The following COL23A1 variants were observed in gnomAD, a reference collection of about 807,000 sequenced individuals.
COL23A1 encodes collagen type XXIII alpha 1 chain.
A neutral mutation model predicts 99.3 loss-of-function variants in COL23A1; 97 were observed. The ratio of observed to expected loss-of-function variants is 0.98; its 90% CI spans 0.83 to 1.16. The LOEUF (loss-of-function observed/expected upper bound fraction) is 1.16, where lower values mean the gene tolerates loss of function less well. COL23A1 is among the 50% of genes most tolerant of loss of function. COL23A1 has a pLI of 0.00. For synonymous variants in COL23A1, 320 were observed against 308.2 expected, an observed-to-expected ratio of 1.04 and a Z score of -0.40; for missense variants, 762 against 757.4, an observed-to-expected ratio of 1.01 and a Z score of -0.07.
At position 178,241,898 on chromosome 5, in the gene COL23A1, G is replaced by C. The variant is rs1764420724; in HGVS notation, c.1581+144C>G. The C allele has an allele frequency of 7.8e-6, 5 of 641,016 alleles. No individual in the cohort carries two copies. In the East Asian group the frequency reaches 1.4e-4, roughly 18 times the overall value. 39.7% of individuals were successfully genotyped at this position (641,016 alleles called of 1,614,324 possible). ...CGCGATGATGGCAGTAGCAGCAGCAGTGGCCCTGACAGTGAGGAAGGCCAG... is the reference window on the plus strand; with the variant it reads ...CGCGATGATGGCAGTAGCAGCAGCACTGGCCCTGACAGTGAGGAAGGCCAG... On this transcript the variant is annotated intron_variant, in intron 27 of 28. Coordinates refer to ENST00000390654, the MANE Select transcript of COL23A1 (RefSeq NM_173465.4).
intron 2 of COL23A1, among the ~76,000 whole-genome samples, chr5:178,386,779 C>T (rs1763698852): frequency 6.6e-6 from 1 of 152,162 alleles, no homozygotes; most frequent in South Asian, 2.1e-4. Context: ...GACTGAACCT[C>T]GGTTCCTGGG....
intron 2 of COL23A1, among the ~76,000 whole-genome samples, chr5:178,488,023 T>A (rs1034895134): frequency 3.9e-5 from 6 of 152,138 alleles, no homozygotes; most frequent in African/African-American, 1.4e-4. Context: ...AGAACAAGGA[T>A]ATGAAGGCAT....
At chr5:178,266,517 G>A (rs1755909923) in intron 8 of COL23A1, among the ~76,000 whole-genome samples, 1 of 152,108 alleles carries the variant, frequency 6.6e-6, no homozygotes, top group Non-Finnish European at 1.5e-5. Context: ...AGGACTTCTA[G>A]TCTGTTGAAG....
At position 178,469,096 on chromosome 5, in the gene COL23A1, A is replaced by C. The variant is rs114382654; in HGVS notation, c.361+91586T>G. ...ACGTGTCAGAATCTCCTTCCGTCTG[A>C]AAGCTGAACCGCATCCTGTTGTGTG... On this transcript the variant is annotated intron_variant, in intron 2 of 28. Transcript: ENST00000390654. Among the ~76,000 whole-genome samples the C allele has an allele frequency of 3.6e-3, 555 of 152,342 alleles. 4 individuals are homozygous for C. Among genetic ancestry groups the C allele is most frequent in the African/African-American group, 0.013 (523 of 41,578 alleles).
intron 2 of COL23A1, among the ~76,000 whole-genome samples, chr5:178,559,995 G>A (rs1236992521): frequency 2.0e-5 from 3 of 152,200 alleles, no homozygotes; most frequent in Non-Finnish European, 4.4e-5. Context: ...TTCTAAGGGA[G>A]GGTCATTCTA....
At chr5:178,319,191 G>C (rs1323819713) in intron 2 of COL23A1, among the ~76,000 whole-genome samples, 1 of 152,164 alleles carries the variant, frequency 6.6e-6, no homozygotes, top group Non-Finnish European at 1.5e-5. Context: ...GCTAGCGCAA[G>C]TAAGCTTTGC....
At chr5:178,256,423 G>C (rs368116495) in intron 14 of COL23A1, 26 bp from the exon 15 acceptor site, 812 of 1,598,802 alleles carry the variant, frequency 5.1e-4, no homozygotes, top group Admixed American at 9.1e-4. Flanking sequence ...TTTGCAGCCA[G>C]AGGTGCAGCT....
chr5:178,579,703 C>T lies in COL23A1; in HGVS notation c.294+10201G>A, dbSNP rs1300411857. On this transcript the variant is annotated intron_variant, in intron 1 of 28. Transcript: ENST00000390654. ...TCTTGACCTTGTGATCCACCTGCCT[C>T]AGACTCCCAAAGTGCTGGGATTACA... Among the ~76,000 whole-genome samples the T allele has an allele frequency of 2.6e-5, 4 of 152,210 alleles. No individual in the cohort carries two copies. The East Asian group carries it at 5.8e-4, about 22-fold the overall frequency.
At chr5:178,383,491 C>A (rs547269759) in intron 2 of COL23A1, among the ~76,000 whole-genome samples, 4 of 152,382 alleles carry the variant, frequency 2.6e-5, no homozygotes, top group Non-Finnish European at 5.9e-5. Flanking sequence ...GCTCTAAGGT[C>A]TCTGCCACCT....
At chr5:178,348,373 A>G (rs1261134784) in intron 2 of COL23A1, among the ~76,000 whole-genome samples, 2 of 152,110 alleles carry the variant, frequency 1.3e-5, no homozygotes, top group Non-Finnish European at 2.9e-5. Context: ...GGGACACCTC[A>G]GGCAGAAGGC....
At chr5:178,442,329 C>T (rs1308519103) in intron 2 of COL23A1, among the ~76,000 whole-genome samples, 3 of 152,120 alleles carry the variant, frequency 2.0e-5, no homozygotes, top group Non-Finnish European at 2.9e-5. Flanking sequence ...ACTGGTTTGT[C>T]CAAACAGGTT....
At chr5:178,554,043 C>G (rs374919904) in intron 2 of COL23A1, among the ~76,000 whole-genome samples, 2 of 152,122 alleles carry the variant, frequency 1.3e-5, no homozygotes, top group Non-Finnish European at 2.9e-5. Context: ...GGTGGAAAAC[C>G]GAGGCACAAG....
At chr5:178,444,872 T>C (rs1191794636) in intron 2 of COL23A1, among the ~76,000 whole-genome samples, 1 of 152,166 alleles carries the variant, frequency 6.6e-6, no homozygotes, top group Non-Finnish European at 1.5e-5. Flanking sequence ...GTTTTCCCCG[T>C]AGGTGAAATG....
chr5:178,356,694 CAGAGCCGG>C (rs1761673566), intron 2 of COL23A1, among the ~76,000 whole-genome samples: 1 of 152,228 alleles, frequency 6.6e-6, no homozygotes, highest in Non-Finnish European at 1.5e-5. Flanking sequence ...GCCGCCGGAG[CAGAGCCGG>C]CTTGGCTGCC....
intron 2 of COL23A1, among the ~76,000 whole-genome samples, chr5:178,405,102 G>A (rs546559302): frequency 2.6e-4 from 40 of 152,244 alleles, no homozygotes; most frequent in South Asian, 8.3e-4. Flanking sequence ...TCTACCTCCC[G>A]CATTCGCACC....
chr5:178,497,658 G>A (rs1194982857), intron 2 of COL23A1, among the ~76,000 whole-genome samples: 1 of 152,188 alleles, frequency 6.6e-6, no homozygotes, highest in Non-Finnish European at 1.5e-5. Flanking sequence ...AAGAGACTAC[G>A]AGGACTGAGT....
intron 2 of COL23A1, among the ~76,000 whole-genome samples, chr5:178,372,181 T>A (rs1187394457): frequency 6.6e-6 from 1 of 152,220 alleles, no homozygotes; most frequent in Non-Finnish European, 1.5e-5. Context: ...AAGACGGGGC[T>A]GACGCAGGGG....
At chr5:178,247,865 C>T (rs766291132) in intron 20 of COL23A1, 34 bp from the exon 21 acceptor site, 32 of 1,586,028 alleles carry the variant, frequency 2.0e-5, no homozygotes, top group African/African-American at 4.0e-5. Context: ...AGTCACCCAC[C>T]GCCTGTCACC....
chr5:178,482,959 C>G (rs1757421380), intron 2 of COL23A1, among the ~76,000 whole-genome samples: 1 of 152,026 alleles, frequency 6.6e-6, no homozygotes, highest in Admixed American at 6.6e-5. Flanking sequence ...GTAGTCCCAG[C>G]TACTTGGGAG....
Sources: gnomAD v4.1 joint callset for allele counts (sites outside exome capture counted in the v4.1 genomes callset) on GRCh38, gnomAD v4.1.1 for gene constraint, MANE v1.5 for transcripts, NCBI Gene and HGNC (gene_info 2026-07-23, HGNC 2026-07-21) for gene names.